Variants in EFCAB14 observed in about 807,000 individuals in gnomAD.
EFCAB14 encodes EF-hand calcium binding domain 14, also known as EF-hand calcium-binding domain-containing protein 14.
EFCAB14 carries 43 observed loss-of-function variants against 56.5 expected under a neutral mutation model. That is an observed-to-expected ratio of 0.76 (90% CI 0.60 to 0.98). EFCAB14 has a LOEUF of 0.98. EFCAB14 is among the 50% of genes least tolerant of loss of function. EFCAB14 has a pLI of 0.00. For synonymous variants in EFCAB14, 235 were observed against 212.9 expected (o/e 1.10, Z -0.90); for missense variants, 538 against 580.3 (o/e 0.93, Z 0.75).
At chr1:46,691,696 A>C (rs1676994685) in intron 5 of EFCAB14, 131 bp downstream of exon 5, 1 of 581,418 alleles carries the variant, frequency 1.7e-6, no homozygotes. Context: ...AGAACAATCA[A>C]TGTATACTGC....
At chr1:46,687,182 T>C (rs1676897470) in intron 7 of EFCAB14, among the ~76,000 whole-genome samples, 1 of 152,202 alleles carries the variant, frequency 6.6e-6, no homozygotes, top group African/African-American at 2.4e-5. Context: ...GACAGATGGA[T>C]ACTATTACCT....
chr1:46,691,298 T>C (rs1032765114), intron 5 of EFCAB14, among the ~76,000 whole-genome samples: 7 of 151,582 alleles, frequency 4.6e-5, no homozygotes, highest in African/African-American at 1.5e-4. Context: ...CAGCTGGGGG[T>C]TGAGGGATGG....
At chr1:46,684,024 G>C (rs1314821159) in intron 9 of EFCAB14, 2 of 159,910 alleles carry the variant, frequency 1.3e-5, no homozygotes, top group Non-Finnish European at 2.7e-5. Flanking sequence ...GGAGGCTCAT[G>C]TATCTGCTAA....
In EFCAB14 at chr1:46,697,004, G is replaced by T. The variant is rs114990695; in HGVS notation, c.481-355C>A. On this transcript the variant is annotated intron_variant, in intron 3 of 10. Coordinates refer to ENST00000371933, the MANE Select transcript of EFCAB14 (RefSeq NM_014774.3). ...ACAATTGGACAGGAAGAAAGCTAAT[G>T]ATGAAGGATCACTTCAAAATTTCAT... Among the ~76,000 whole-genome samples, 900 of 152,314 alleles carry T rather than the reference G, an allele frequency of 5.9e-3. 6 individuals carry two copies. Among genetic ancestry groups the T allele is most frequent in the African/African-American group, 0.021 (866 of 41,566 alleles).
At chr1:46,694,115 C>A (rs1210845005) in intron 4 of EFCAB14, among the ~76,000 whole-genome samples, 1 of 152,098 alleles carries the variant, frequency 6.6e-6, no homozygotes, top group East Asian at 1.9e-4. Context: ...GACCTAAAAC[C>A]ATAAAAACCC....
chr1:46,710,978 C>G (rs1046892934), intron 2 of EFCAB14, among the ~76,000 whole-genome samples: 4 of 152,214 alleles, frequency 2.6e-5, no homozygotes, highest in Admixed American at 2.6e-4. Flanking sequence ...CAGGATTTCA[C>G]TCTTTTTATG....
rs865966855 is a variant in EFCAB14 at position 46,677,679 on chromosome 1, C to T, written c.*782G>A. On this transcript the variant is annotated 3_prime_UTR_variant, in exon 11 of 11. Transcript: ENST00000371933. Reference sequence around the variant, plus strand: ...TATGCTCATAAACCCTGAAATAGTACTAAAAATGAGAAAAATCCCCAAGAC... The same window carrying T: ...TATGCTCATAAACCCTGAAATAGTATTAAAAATGAGAAAAATCCCCAAGAC... 1 of 152,118 alleles carries T rather than the reference C, an allele frequency of 6.6e-6. No homozygotes were observed. The highest frequency in any genetic ancestry group is 2.1e-4 in the South Asian group (1 of 4,828). 9.4% of individuals were successfully genotyped at this position (152,118 alleles called of 1,614,324 possible). A position where few individuals can be genotyped will look rare whatever the true frequency, so the allele number is the denominator to read the frequency against.
At chr1:46,701,951 T>C (rs879246664) in intron 3 of EFCAB14, among the ~76,000 whole-genome samples, 8 of 152,364 alleles carry the variant, frequency 5.3e-5, no homozygotes, top group Admixed American at 4.6e-4. Context: ...CTTATATATG[T>C]AACTAAAATG....
At chr1:46,684,778 A>G (rs764327591) in intron 8 of EFCAB14, among the ~76,000 whole-genome samples, 176 bp from the exon 9 acceptor site, 2 of 152,196 alleles carry the variant, frequency 1.3e-5, no homozygotes, top group Non-Finnish European at 2.9e-5. Flanking sequence ...CTCAGCACTG[A>G]TAAGTATCTT....
rs1677065950 is a variant in EFCAB14 at position 46,695,442 on chromosome 1, ATGGTG to A, written c.579+1104_579+1108del. On this transcript the variant is annotated intron_variant, in intron 4 of 10. Coordinates refer to ENST00000371933, the MANE Select transcript of EFCAB14 (RefSeq NM_014774.3). ...AATTATGGAGACTGAGCACACACAGATGGTGTGGCTATAAAATAGCAAATTTTGTC... is the reference window on the plus strand; with the variant it reads ...AATTATGGAGACTGAGCACACACAGATGGCTATAAAATAGCAAATTTTGTC... 2.0e-5 allele frequency among the ~76,000 whole-genome samples: 3 copies of A among 152,134 alleles called. No homozygotes were observed. In the South Asian group the frequency reaches 6.2e-4, roughly 32 times the overall value.
At position 46,688,519 on chromosome 1, in the gene EFCAB14, A is replaced by AT. The variant is rs1676926819; in HGVS notation, c.820_821insA (p.Leu274TyrfsTer16). ...CACTAGGGCACTGTTTACCTCCTCT[A>AT]AAGAGTTGTGAAGGTACAGGATATC... On this transcript the variant is annotated frameshift_variant, in exon 7 of 11. Transcript: ENST00000371933. LOFTEE classifies it high-confidence loss of function. 6.2e-7 allele frequency: 1 copy of AT among 1,613,426 alleles called. No individual in the cohort carries two copies. The highest frequency in any genetic ancestry group is 1.3e-5 in the African/African-American group (1 of 74,872).
Position 46,716,202 on chromosome 1 carries a change from T to C in EFCAB14, c.334+93A>G, listed in dbSNP as rs1009260289. ...TGGCGGATGTTGCAGTGAGCCGAGA[T>C]TGCGCCACTGTACTCCAGCCTAGGC... On this transcript the variant is annotated intron_variant, in intron 2 of 10. Coordinates refer to ENST00000371933, the MANE Select transcript of EFCAB14 (RefSeq NM_014774.3). 24 of 1,363,600 alleles carry C rather than the reference T, an allele frequency of 1.8e-5. No individual in the cohort carries two copies. In the African/African-American group the frequency reaches 3.5e-4, roughly 20 times the overall value. The allele number at this position is 1,363,600 out of a possible 1,614,324, so 84.5% of individuals were successfully genotyped here.
intron 4 of EFCAB14, among the ~76,000 whole-genome samples, chr1:46,696,080 T>C (rs534550516): frequency 2.4e-4 from 37 of 152,284 alleles, no homozygotes; most frequent in African/African-American, 8.9e-4. Flanking sequence ...TTCCTGAATT[T>C]TTAATTTTTG....
intron 5 of EFCAB14, among the ~76,000 whole-genome samples, chr1:46,690,449 A>AT (rs769913990): frequency 1.3e-5 from 2 of 152,238 alleles, no homozygotes; most frequent in East Asian, 3.8e-4. Flanking sequence ...ACTGGTGAAA[A>AT]TAAGTTGTTT....
intron 2 of EFCAB14, among the ~76,000 whole-genome samples, chr1:46,710,281 T>C (rs147682200): frequency 1.5e-3 from 235 of 152,326 alleles, no homozygotes; most frequent in African/African-American, 5.3e-3. Flanking sequence ...ATGTAATGTA[T>C]AGTGATCAGA....
At chr1:46,706,823 A>G (rs962445727) in intron 3 of EFCAB14, among the ~76,000 whole-genome samples, 1 of 152,252 alleles carries the variant, frequency 6.6e-6, no homozygotes, top group South Asian at 2.1e-4. Flanking sequence ...AACTGAATGG[A>G]AAGTGTCATA....
chr1:46,706,536 T>C (rs976731987), intron 3 of EFCAB14, among the ~76,000 whole-genome samples: 1 of 152,214 alleles, frequency 6.6e-6, no homozygotes, highest in Non-Finnish European at 1.5e-5. Context: ...CCTCTCAGAA[T>C]GGTAAACTGC....
At position 46,705,067 on chromosome 1, in the gene EFCAB14, A is replaced by C. The variant is rs187298765; in HGVS notation, c.480+2839T>G. Among the ~76,000 whole-genome samples, 442 of 152,358 alleles carry C rather than the reference A, an allele frequency of 2.9e-3. 5 individuals carry two copies. Among genetic ancestry groups the C allele is most frequent in the Middle Eastern group, 6.8e-3 (2 of 294 alleles). On this transcript the variant is annotated intron_variant, in intron 3 of 10. Transcript: ENST00000371933. ...TGTTTAGATATGGAAACATAGTTAAATATTACTTTAATTTTTCTACCTACT... is the reference window on the plus strand; with the variant it reads ...TGTTTAGATATGGAAACATAGTTAACTATTACTTTAATTTTTCTACCTACT...
rs1310518979 is a variant in EFCAB14 at position 46,677,746 on chromosome 1, C to G, written c.*715G>C. ...TTGGGATTAGCTGAGGGAATAGGAA[C>G]AAAGAACCAGAATCCTACTTCCATG... On this transcript the variant is annotated 3_prime_UTR_variant, in exon 11 of 11. Coordinates refer to ENST00000371933, the MANE Select transcript of EFCAB14 (RefSeq NM_014774.3). The G allele has an allele frequency of 6.6e-6, 1 of 152,202 alleles. No individual in the cohort carries two copies. Among genetic ancestry groups the G allele is most frequent in the Non-Finnish European group, 1.5e-5 (1 of 68,046 alleles). The allele number at this position is 152,202 out of a possible 1,614,324, so 9.4% of individuals were successfully genotyped here.
Sources: gnomAD v4.1 joint callset for allele counts (sites outside exome capture counted in the v4.1 genomes callset) on GRCh38, gnomAD v4.1.1 for gene constraint, MANE v1.5 for transcripts, NCBI Gene and HGNC (gene_info 2026-07-23, HGNC 2026-07-21) for gene names.